The following ZNF124 variants were observed in gnomAD, a reference collection of about 807,000 sequenced individuals.
The protein encoded by ZNF124 is zinc finger protein HZF-16.
ZNF124 carries 25 observed loss-of-function variants against 26.6 expected under a neutral mutation model. The observed-to-expected ratio is 0.94, with a 90% CI of 0.68 to 1.31. ZNF124 has a LOEUF of 1.31. Ranked by LOEUF, ZNF124 falls within the 40% of genes most tolerant of loss-of-function variation. ZNF124 has a pLI of 0.00. For missense variants in ZNF124, 444 were observed against 422.2 expected (o/e 1.05, Z -0.45); for synonymous variants, 129 against 133.3 (o/e 0.97, Z 0.22).
intron 3 of ZNF124, among the ~76,000 whole-genome samples, chr1:247,131,881 G>T (rs983978505): frequency 2.6e-5 from 4 of 152,190 alleles, no homozygotes; most frequent in African/African-American, 4.8e-5. Context: ...CAGCCTAGGT[G>T]AGTGGGTTTC....
intron 3 of ZNF124, among the ~76,000 whole-genome samples, chr1:247,135,366 C>G (rs1672457213): frequency 6.6e-6 from 1 of 151,998 alleles, no homozygotes; most frequent in African/African-American, 2.4e-5. Context: ...TCACCACTGA[C>G]CCCACAGAAA....
chr1:247,130,077 C>T (rs1672298165), intron 3 of ZNF124, among the ~76,000 whole-genome samples: 1 of 152,140 alleles, frequency 6.6e-6, no homozygotes, highest in African/African-American at 2.4e-5. Context: ...GTCAGTACTG[C>T]TACTCGTTTG....
chr1:247,152,030 GC>G (rs769444910), downstream of ZNF124, among the ~76,000 whole-genome samples: 1 of 148,432 alleles, frequency 6.7e-6, no homozygotes, highest in Non-Finnish European at 1.5e-5. Context: ...GTATCTTTGG[GC>G]TAAAAATGTT....
At chr1:247,158,357 G>A (rs549082271) in intron 3 of ZNF124, among the ~76,000 whole-genome samples, 5 of 152,048 alleles carry the variant, frequency 3.3e-5, no homozygotes, top group African/African-American at 1.2e-4. Flanking sequence ...TTCCCCTTCT[G>A]CCATGACTGG....
At chr1:247,151,422 G>T (rs1018071329), downstream of ZNF124, among the ~76,000 whole-genome samples, 35 of 151,012 alleles carry the variant, frequency 2.3e-4, no homozygotes, top group Non-Finnish European at 4.3e-4. Context: ...GAGCTTGCAG[G>T]GAGCCGAGAT....
At chr1:247,150,400 A>C (rs1259585684), downstream of ZNF124, among the ~76,000 whole-genome samples, 3 of 152,248 alleles carry the variant, frequency 2.0e-5, no homozygotes, top group Non-Finnish European at 4.4e-5. Flanking sequence ...TACAGTCTTC[A>C]CAGAAAAGTC....
At chr1:247,122,436 G>A (rs2103094733) in exon 4 of ZNF124, 1 of 152,616 alleles carries the variant, frequency 6.6e-6, no homozygotes, top group African/African-American at 2.4e-5. Flanking sequence ...GACTTCAATA[G>A]CAAAGACATG....
chr1:247,126,199 A>G (rs1395746525), intron 3 of ZNF124, among the ~76,000 whole-genome samples: 1 of 149,248 alleles, frequency 6.7e-6, no homozygotes, highest in Admixed American at 6.7e-5. Context: ...GTGTATATAA[A>G]TGAATGTCCC....
chr1:247,152,761 T>C (rs1307877891), downstream of ZNF124, among the ~76,000 whole-genome samples: 4 of 152,210 alleles, frequency 2.6e-5, no homozygotes, highest in Admixed American at 6.5e-5. Context: ...TTTCTTGTAA[T>C]GTTACTATTT....
At chr1:247,146,759 T>C (rs1181671648) in intron 3 of ZNF124, among the ~76,000 whole-genome samples, 2 of 152,248 alleles carry the variant, frequency 1.3e-5, no homozygotes, top group Non-Finnish European at 2.9e-5. Context: ...TAAGAGCCAA[T>C]ACATTGAGTT....
chr1:247,125,099 G>C (rs908299912), intron 3 of ZNF124, among the ~76,000 whole-genome samples: 2 of 152,112 alleles, frequency 1.3e-5, no homozygotes, highest in East Asian at 1.9e-4. Context: ...CACAGCGCCC[G>C]GCCTTCATTC....
chr1:247,167,674 C>T (rs1190007956), intron 1 of ZNF124, among the ~76,000 whole-genome samples: 1 of 152,072 alleles, frequency 6.6e-6, no homozygotes, highest in African/African-American at 2.4e-5. Context: ...AACTCATGAC[C>T]AAGAACCCAA....
chr1:247,123,607 A>G lies in ZNF124; in HGVS notation c.*261T>C, dbSNP rs560383071. 1.5e-5 allele frequency: 7 copies of G among 457,496 alleles called. No individual in the cohort carries two copies. In the East Asian group the frequency reaches 1.9e-4, roughly 13 times the overall value. The allele number at this position is 457,496 out of a possible 1,614,324, so 28.3% of individuals were successfully genotyped here. On this transcript the variant is annotated 3_prime_UTR_variant, in exon 4 of 4. Transcript: ENST00000472531. ...TCAGGTTATTCCAAGTTCTTCCAAGATGCGTCAGAAGCATTCTCTGGAGGC... is the reference window on the plus strand; with the variant it reads ...TCAGGTTATTCCAAGTTCTTCCAAGGTGCGTCAGAAGCATTCTCTGGAGGC...
At chr1:247,123,794 C>G in exon 4 of ZNF124, 7 of 700,274 alleles carry the variant, frequency 1.0e-5, no homozygotes, top group Non-Finnish European at 1.8e-5. Context: ...GAAGTTAATC[C>G]TGAGTCCCAG....
chr1:247,157,748 A>G (rs988109700), intron 3 of ZNF124, among the ~76,000 whole-genome samples: 6 of 152,180 alleles, frequency 3.9e-5, no homozygotes, highest in Non-Finnish European at 8.8e-5. Context: ...ACAATACAGT[A>G]ATATTCTCAT....
At chr1:247,136,786 A>G (rs1672493318) in intron 3 of ZNF124, among the ~76,000 whole-genome samples, 1 of 152,062 alleles carries the variant, frequency 6.6e-6, no homozygotes, top group Non-Finnish European at 1.5e-5. Flanking sequence ...ATCTCTACTA[A>G]AAATACAAAA....
chr1:247,125,674 CG>C (rs879831656), intron 3 of ZNF124, among the ~76,000 whole-genome samples: 45,190 of 150,858 alleles, frequency 0.3, 7,051 homozygotes, highest in Middle Eastern at 0.38. Flanking sequence ...TCGTGATCGG[CG>C]CCGGCGCCGA....
intron 2 of ZNF124, 130 bp from the exon 3 acceptor site, chr1:247,159,196 G>A: frequency 1.3e-6 from 1 of 755,478 alleles, no homozygotes; most frequent in Non-Finnish European, 2.1e-6. Flanking sequence ...TCATCAATAT[G>A]GCAACATTGT....
chr1:247,151,458 GAC>G (rs1291302298), downstream of ZNF124, among the ~76,000 whole-genome samples: 2 of 144,394 alleles, frequency 1.4e-5, no homozygotes, highest in Admixed American at 1.5e-4. Context: ...CAGCCTGGGT[GAC>G]AGAGTGAGAC....
Sources: allele counts gnomAD v4.1 joint callset (sites outside exome capture counted in the v4.1 genomes callset), GRCh38; gene constraint gnomAD v4.1.1; transcripts MANE v1.5; gene names NCBI Gene and HGNC (gene_info 2026-07-23, HGNC 2026-07-21).